The following SDK1 variants were observed in gnomAD, a reference collection of about 807,000 sequenced individuals.
SDK1 encodes sidekick cell adhesion molecule 1.
SDK1 carries 157 observed loss-of-function variants against 245.5 expected under a neutral mutation model. That is an observed-to-expected ratio of 0.64 (90% CI 0.56 to 0.73). SDK1 has a LOEUF of 0.73. Ranked by LOEUF, SDK1 falls within the 30% of genes least tolerant of loss-of-function variation. The probability of loss-of-function intolerance (pLI) is 0.00; values close to 1 mark genes in which losing one functional copy is unlikely to be tolerated. For synonymous variants in SDK1, 1,647 were observed against 1,278.5 expected (o/e 1.29, Z -6.15); for missense variants, 3,583 against 3,002.3 (o/e 1.19, Z -4.52).
intron 4 of SDK1, among the ~76,000 whole-genome samples, chr7:3,685,368 A>G (rs868833831): frequency 3.3e-5 from 5 of 152,336 alleles, no homozygotes; most frequent in South Asian, 2.1e-4. Context: ...TGGTAAAAAC[A>G]TCCTTCAAAA....
chr7:3,625,421 G>A (rs1446641757), intron 2 of SDK1, among the ~76,000 whole-genome samples: 1 of 152,136 alleles, frequency 6.6e-6, no homozygotes, highest in African/African-American at 2.4e-5. Flanking sequence ...TAATAACTTG[G>A]GATCTCCTGA....
chr7:3,741,023 C>G (rs10248562), intron 4 of SDK1, among the ~76,000 whole-genome samples: 8,805 of 152,226 alleles, frequency 0.058, 862 homozygotes, highest in African/African-American at 0.2. Flanking sequence ...TGTGATTAAT[C>G]TACCTGTTGC....
intron 1 of SDK1, among the ~76,000 whole-genome samples, chr7:3,347,337 G>C (rs1347332297): frequency 6.6e-6 from 1 of 151,984 alleles, no homozygotes; most frequent in East Asian, 1.9e-4. Flanking sequence ...GTCTAATTTT[G>C]CATTATTAGT....
Position 3,633,287 on chromosome 7 carries a change from C to G in SDK1, c.459-5717C>G, listed in dbSNP as rs570893832. 4.6e-5 allele frequency among the ~76,000 whole-genome samples: 7 copies of G among 152,222 alleles called. No homozygotes were observed. The East Asian group carries it at 1.4e-3, about 29-fold the overall frequency. ...AGAAAAATCTTACATCTAATTTTAA[C>G]AAATATGCAGATTTTTTTCTTATGA... On this transcript the variant is annotated intron_variant, in intron 2 of 44. Transcript: ENST00000404826.
chr7:4,213,214 C>G (rs1011242206), intron 38 of SDK1, among the ~76,000 whole-genome samples: 4 of 152,076 alleles, frequency 2.6e-5, no homozygotes, highest in African/African-American at 9.7e-5. Context: ...GAGTTCAAGA[C>G]CAGCCTGGCC....
chr7:4,106,941 C>T (rs1258806927), intron 22 of SDK1, among the ~76,000 whole-genome samples: 1 of 151,892 alleles, frequency 6.6e-6, no homozygotes, highest in African/African-American at 2.4e-5. Context: ...AGCCCCCAGG[C>T]CTCAGGTGAA....
At chr7:3,403,867 AT>A (rs1562466244) in intron 1 of SDK1, among the ~76,000 whole-genome samples, 60 of 101,998 alleles carry the variant, frequency 5.9e-4, no homozygotes, top group South Asian at 1.1e-3. Context: ...ATATATATAT[AT>A]AATATATATA....
chr7:3,544,947 C>T lies in SDK1; in HGVS notation c.299-74133C>T, dbSNP rs183599672. On this transcript the variant is annotated intron_variant, in intron 1 of 44. Coordinates refer to ENST00000404826, the MANE Select transcript of SDK1 (RefSeq NM_152744.4). ...GTATGGTGGATTTGTATAAAACTCA[C>T]GGACTCCTGAGCCTTGTACTGTAAC... is the stretch of plus-strand genomic sequence containing the variant. 2.9e-3 allele frequency among the ~76,000 whole-genome samples: 448 copies of T among 152,256 alleles called. 2 individuals carry two copies. The highest frequency in any genetic ancestry group is 4.9e-3 in the Non-Finnish European group (331 of 68,024).
intron 32 of SDK1, among the ~76,000 whole-genome samples, chr7:4,171,986 G>A (rs2128216675): frequency 6.6e-6 from 1 of 152,350 alleles, no homozygotes; most frequent in African/African-American, 2.4e-5. Context: ...GCTCACTGGG[G>A]TCCGACACCC....
chr7:4,176,422 G>A (rs1231129502), intron 34 of SDK1, among the ~76,000 whole-genome samples: 1 of 152,178 alleles, frequency 6.6e-6, no homozygotes, highest in Non-Finnish European at 1.5e-5. Context: ...TCTTGTCTCA[G>A]CCTCCCAAGA....
intron 20 of SDK1, among the ~76,000 whole-genome samples, chr7:4,071,925 C>G (rs1412217196): frequency 1.3e-5 from 2 of 152,216 alleles, no homozygotes; most frequent in African/African-American, 4.8e-5. Flanking sequence ...TTTACAGATA[C>G]ACACGTTAGC....
intron 5 of SDK1, among the ~76,000 whole-genome samples, chr7:3,903,257 C>T (rs1157929077): frequency 6.6e-6 from 1 of 151,692 alleles, no homozygotes; most frequent in Non-Finnish European, 1.5e-5. Flanking sequence ...CATTCTCCTG[C>T]CTCAGCCTCC....
intron 16 of SDK1, among the ~76,000 whole-genome samples, chr7:4,016,549 A>T (rs369020156): frequency 2.5e-4 from 38 of 152,344 alleles, no homozygotes; most frequent in African/African-American, 8.2e-4. Context: ...TCTTTTTCAT[A>T]AACACTACTT....
At position 4,084,716 on chromosome 7, in the gene SDK1, GTTATGTTATGTT is replaced by G. The variant is rs1382479844; in HGVS notation, c.3324+5133_3324+5144del. ...GTTATGTTATGTTATGTTATGTTAT[GTTATGTTATGTT>G]ATGTTGTTACTTAAATGTATATTTT... On this transcript the variant is annotated intron_variant, in intron 22 of 44. Coordinates refer to ENST00000404826, the MANE Select transcript of SDK1 (RefSeq NM_152744.4). 6.7e-5 allele frequency among the ~76,000 whole-genome samples: 8 copies of G among 119,364 alleles called. No individual in the cohort carries two copies. The South Asian group carries it at 1.1e-3, about 16-fold the overall frequency. 78.3% of individuals were successfully genotyped at this position (119,364 alleles called of 152,430 possible). A position where few individuals can be genotyped will look rare whatever the true frequency, so the allele number is the denominator to read the frequency against.
At chr7:4,040,362 G>A (rs929207828) in intron 17 of SDK1, among the ~76,000 whole-genome samples, 3 of 152,122 alleles carry the variant, frequency 2.0e-5, no homozygotes, top group African/African-American at 2.4e-5. Flanking sequence ...CCGGGGGTCC[G>A]TGGCAACTGA....
intron 1 of SDK1, among the ~76,000 whole-genome samples, chr7:3,530,556 A>G (rs1783307339): frequency 6.6e-6 from 1 of 152,232 alleles, no homozygotes; most frequent in Admixed American, 6.5e-5. Flanking sequence ...AAAGAAAAAT[A>G]TATTGATAGA....
chr7:3,403,464 C>G (rs572975370), intron 1 of SDK1, among the ~76,000 whole-genome samples: 56 of 152,102 alleles, frequency 3.7e-4, no homozygotes, highest in African/African-American at 1.3e-3. Flanking sequence ...ATTTGTGATG[C>G]TGACTCATAA....
Position 3,986,211 on chromosome 7 carries a change from T to A in SDK1, c.1995-975T>A, listed in dbSNP as rs186784549. Among the ~76,000 whole-genome samples, 311 of 148,856 alleles carry A rather than the reference T, an allele frequency of 2.1e-3. 3 individuals are homozygous for A. The East Asian group carries it at 0.035, about 17-fold the overall frequency. On this transcript the variant is annotated intron_variant, in intron 13 of 44. Coordinates refer to ENST00000404826, the MANE Select transcript of SDK1 (RefSeq NM_152744.4). ...TCCCAGTAAAAACTTTTTTTTTTTT[T>A]AACTAGTAACTTATTTAAAGAATTT...
rs138566097 is a variant in SDK1, at chr7:3,455,030, G to T, written c.298+153146G>T. On this transcript the variant is annotated intron_variant, in intron 1 of 44. Coordinates refer to ENST00000404826, the MANE Select transcript of SDK1 (RefSeq NM_152744.4). ...TTTTTTATTTTAGATATTCTGATAG[G>T]TATGCAGTGATATCTTGTGGCTTTA... Among the ~76,000 whole-genome samples the T allele has an allele frequency of 2.8e-4, 42 of 152,042 alleles. No homozygotes were observed. In the East Asian group the frequency reaches 7.5e-3, roughly 27 times the overall value.
Sources: gnomAD v4.1 joint callset for allele counts (sites outside exome capture counted in the v4.1 genomes callset) on GRCh38, gnomAD v4.1.1 for gene constraint, MANE v1.5 for transcripts, NCBI Gene and HGNC (gene_info 2026-07-23, HGNC 2026-07-21) for gene names.